FMNL1: variants seen among roughly 807,000 people sequenced by gnomAD.
FMNL1 encodes formin like 1.
FMNL1 carries 43 observed loss-of-function variants against 121.3 expected under a neutral mutation model. The ratio of observed to expected loss-of-function variants is 0.35; its 90% CI spans 0.28 to 0.46. FMNL1 has a LOEUF of 0.46. Ranked by LOEUF, FMNL1 falls within the 20% of genes least tolerant of loss-of-function variation. The pLI is 1.00. For synonymous variants in FMNL1, 613 were observed against 613.5 expected, an observed-to-expected ratio of 1.00 and a Z score of 0.01; for missense variants, 1,191 against 1,482.4, an observed-to-expected ratio of 0.80 and a Z score of 3.23.
chr17:45,240,393 A>T, intron 11 of FMNL1, 83 bp from the exon 12 acceptor site: 1 of 1,447,662 alleles, frequency 6.9e-7, no homozygotes, highest in Non-Finnish European at 9.2e-7. Context: ...TCTGGATGGC[A>T]GTGGTGGCAG....
chr17:45,227,052 G>C (rs1358862092), intron 1 of FMNL1, among the ~76,000 whole-genome samples: 1 of 152,204 alleles, frequency 6.6e-6, no homozygotes, highest in Non-Finnish European at 1.5e-5. Context: ...GAGGTGGGCA[G>C]GTGGCAGGGA....
chr17:45,225,487 G>C (rs2043311452), intron 1 of FMNL1, among the ~76,000 whole-genome samples: 1 of 152,220 alleles, frequency 6.6e-6, no homozygotes, highest in Non-Finnish European at 1.5e-5. Flanking sequence ...TGTTGGGCTG[G>C]GCAGAGGGGA....
Position 45,233,124 on chromosome 17 carries a change from G to T in FMNL1, c.328-100G>T. 8.3e-7 allele frequency: 1 copy of T among 1,207,362 alleles called. No homozygotes were observed. Among genetic ancestry groups the T allele is most frequent in the Non-Finnish European group, 1.2e-6 (1 of 836,432 alleles). The allele number at this position is 1,207,362 out of a possible 1,614,324, so 74.8% of individuals were successfully genotyped here. On this transcript the variant is annotated intron_variant, in intron 3 of 26. Transcript: ENST00000331495. This position sits in a 1 kb window ranked among gnomAD's most constrained non-coding sequence, Gnocchi z 4.1. ...TGAGCATGAAAGGCCACTTGTGCCA[G>T]TTGGAGGAGGGTGGGCGCTGCTGCC...
intron 7 of FMNL1, 59 bp downstream of exon 7, chr17:45,236,303 T>G: frequency 7.0e-7 from 1 of 1,426,598 alleles, no homozygotes; most frequent in East Asian, 2.3e-5. Flanking sequence ...CACTGGGGGC[T>G]ACACAAGCTG....
At chr17:45,244,678 C>G in intron 19 of FMNL1, 141 bp from the exon 20 acceptor site, 1 of 822,710 alleles carries the variant, frequency 1.2e-6, no homozygotes, top group Non-Finnish European at 1.9e-6. Flanking sequence ...TGCTGTGGAT[C>G]TGAGGGGCCT....
In FMNL1 at chr17:45,243,327, G is replaced by T. The variant is rs1431658533; in HGVS notation, c.2213+7G>T. 4 of 1,612,682 alleles carry T rather than the reference G, an allele frequency of 2.5e-6. No homozygotes were observed. The highest frequency in any genetic ancestry group is 3.4e-6 in the Non-Finnish European group (4 of 1,179,644). On this transcript the variant is annotated splice_region_variant and intron_variant, in intron 17 of 26. Transcript: ENST00000331495. ...TCTGCCAAGCCATTGAGGCGTGAGTGTCCCTGTCCTGGGTTTGTGGGCAGT... is the reference window on the plus strand; with the variant it reads ...TCTGCCAAGCCATTGAGGCGTGAGTTTCCCTGTCCTGGGTTTGTGGGCAGT...
Position 45,241,818 on chromosome 17 carries a change from T to TC in FMNL1, c.1586-24dup. The TC allele has an allele frequency of 2.1e-6, 3 of 1,401,808 alleles. No homozygotes were observed. 86.8% of individuals were successfully genotyped at this position (1,401,808 alleles called of 1,614,324 possible). The stretch of plus-strand genomic sequence containing the variant: ...CCAAGTCAAGGAGCTGACTCGCGCC[T>TC]CCCCCACGCCGCGCCCTCGCTGGCT... On this transcript the variant is annotated intron_variant, in intron 14 of 26. Transcript: ENST00000331495. This position sits in a 1 kb window ranked among gnomAD's most constrained non-coding sequence, Gnocchi z 7.0.
rs371416228 is a variant in FMNL1, at chr17:45,236,184, C to T, written c.663C>T (p.Val221=). ...SRKALRNSRI[V]SQKDDVHVCI... is the part of the protein sequence containing the mutation. ...AGGCCCTGCGGAATTCCCGCATCGT[C>T]AGCCAGAAGGACGACGTCCACGTCT... is the stretch of plus-strand genomic sequence containing the variant. The change falls in exon 7 of 27, where the codon GTC becomes GTT. Residue 221 remains valine, a synonymous_variant. Coordinates refer to ENST00000331495, the MANE Select transcript of FMNL1 (RefSeq NM_005892.4). 2 of 1,613,918 alleles carry T rather than the reference C, an allele frequency of 1.2e-6. No homozygotes were observed. The highest frequency in any genetic ancestry group is 1.7e-6 in the Non-Finnish European group (2 of 1,180,028).
chr17:45,226,756 G>A (rs553666970), intron 1 of FMNL1, among the ~76,000 whole-genome samples: 3 of 152,172 alleles, frequency 2.0e-5, no homozygotes, highest in Admixed American at 2.0e-4. Context: ...TACTGTTGTC[G>A]GTGTTGTTTT....
chr17:45,242,146 G>A lies in FMNL1; in HGVS notation c.1885G>A (p.Gly629Arg). ...LGRRDSELGP[G>R]VKAKKPIQTK... ...AAGACGCGACTCAGAATTGGGCCCA[G>A]GTGAGTGGAGTGGACCACCTTGGGC... is the stretch of plus-strand genomic sequence containing the variant. Residue 629 changes from glycine (G) to arginine (R), a missense_variant and splice_region_variant, in exon 15 of 27, where the codon GGA becomes AGA. Transcript: ENST00000331495. The A allele has an allele frequency of 6.5e-7, 1 of 1,539,642 alleles. No individual in the cohort carries two copies. The highest frequency in any genetic ancestry group is 8.8e-7 in the Non-Finnish European group (1 of 1,142,668).
chr17:45,246,553 G>A lies in FMNL1; in HGVS notation c.3260G>A (p.Arg1087Gln), dbSNP rs370763888. 6.2e-7 allele frequency: 1 copy of A among 1,613,254 alleles called. No homozygotes were observed. Among genetic ancestry groups the A allele is most frequent in the Admixed American group, 1.7e-5 (1 of 60,000 alleles). The change falls in exon 26 of 27, where the codon CGG (arginine) becomes CAG (glutamine). Residue 1087 changes from arginine (R) to glutamine (Q), a missense_variant. Physicochemically the swap from Arg to Gln is conservative, Grantham distance 43. Coordinates refer to ENST00000331495, the MANE Select transcript of FMNL1 (RefSeq NM_005892.4). ...GCCCGCACCGGCAAGCGGACATCCCGGCTCCTCTGTGAGGCCAGCCTGGGA... is the reference window on the plus strand; with the variant it reads ...GCCCGCACCGGCAAGCGGACATCCCAGCTCCTCTGTGAGGCCAGCCTGGGA... ...FTARTGKRTS[R>Q]LLCEASLGEE...
chr17:45,241,035 C>A lies in FMNL1; in HGVS notation c.1231-94C>A. 1 of 1,486,616 alleles carries A rather than the reference C, an allele frequency of 6.7e-7. No individual in the cohort carries two copies. 92.1% of individuals were successfully genotyped at this position (1,486,616 alleles called of 1,614,324 possible). On this transcript the variant is annotated intron_variant, in intron 12 of 26. Transcript: ENST00000331495. The surrounding 1 kb of genome is among the most constrained non-coding windows in gnomAD (Gnocchi z 7.0). ...GCTGAGCGGATCTGGGAGCCTCCCC[C>A]AGTCTTCCAGGCAGGCATGCCTGAT...
chr17:45,243,141 G>A lies in FMNL1; in HGVS notation c.2034G>A (p.Glu678=). ...VLQELDMSDF[E]EQFKTKSQGP... ...AGGAGCTAGACATGAGTGATTTTGA[G>A]GAACAGTTCAAGACCAAGTCCCAAG... The change falls in exon 17 of 27, where the codon GAG becomes GAA. Residue 678 remains glutamate (E), a synonymous_variant. Transcript: ENST00000331495. 2 of 1,614,184 alleles carry A rather than the reference G, an allele frequency of 1.2e-6. No individual in the cohort carries two copies. Among genetic ancestry groups the A allele is most frequent in the Non-Finnish European group, 1.7e-6 (2 of 1,180,028 alleles).
rs1203636562 is a variant in FMNL1 at position 45,234,046 on chromosome 17, C to T, written c.486-26C>T. 5 of 1,612,130 alleles carry T rather than the reference C, an allele frequency of 3.1e-6. No individual in the cohort carries two copies. In the African/African-American group the frequency reaches 5.3e-5, roughly 17 times the overall value. ...TAAGTGGCCCCTGCAGTGTTGGCCT[C>T]CAGCCCCATTGCATCCTGTCCCCAG... On this transcript the variant is annotated intron_variant, in intron 5 of 26. Coordinates refer to ENST00000331495, the MANE Select transcript of FMNL1 (RefSeq NM_005892.4).
At chr17:45,246,820 C>A in intron 26 of FMNL1, 47 bp from the exon 27 acceptor site, 1 of 700,182 alleles carries the variant, frequency 1.4e-6, no homozygotes, top group Non-Finnish European at 2.6e-6. Flanking sequence ...ATGCTCCCAG[C>A]TCTGGGCGGA....
chr17:45,241,526 CG>C lies in FMNL1; in HGVS notation c.1482del (p.Pro495ArgfsTer125). 2 of 1,577,152 alleles carry C rather than the reference CG, an allele frequency of 1.3e-6. No individual in the cohort carries two copies. Among genetic ancestry groups the C allele is most frequent in the Non-Finnish European group, 8.6e-7 (1 of 1,162,524 alleles). ...LEEKGLIRIL[R>X]GPGDAVSIEI... ...GGAGAAGGGGTTAATCCGTATTCTG[CG>C]GGGGCCGGGGGATGCTGTCTCCATC... On this transcript the variant is annotated frameshift_variant, in exon 14 of 27. Coordinates refer to ENST00000331495, the MANE Select transcript of FMNL1 (RefSeq NM_005892.4). LOFTEE classifies it high-confidence loss of function. The surrounding 1 kb of genome is among the most constrained non-coding windows in gnomAD (Gnocchi z 7.0).
chr17:45,239,992 C>T (rs1444040873), intron 11 of FMNL1, among the ~76,000 whole-genome samples: 4 of 152,128 alleles, frequency 2.6e-5, no homozygotes, highest in Non-Finnish European at 5.9e-5. Context: ...GGTTTCACCA[C>T]GTTGGCCAGG....
chr17:45,246,803 T>C, intron 26 of FMNL1, 64 bp from the exon 27 acceptor site: 1 of 698,332 alleles, frequency 1.4e-6, no homozygotes. Flanking sequence ...CTTTGTGCCC[T>C]GGAGCCATGC....
In FMNL1 at chr17:45,244,906, AGGGGCCCCTGGCTT is replaced by A. The variant is rs2043793847; in HGVS notation, c.2598+12_2598+25del. On this transcript the variant is annotated splice_region_variant and intron_variant, in intron 20 of 26. Coordinates refer to ENST00000331495, the MANE Select transcript of FMNL1 (RefSeq NM_005892.4). ...GCTCCAGAGCCTGGATGCGGTGAGGAGGGGCCCCTGGCTTGGGGACTGGGGCTGGGGACTGGCTG... is the reference window on the plus strand; with the variant it reads ...GCTCCAGAGCCTGGATGCGGTGAGGAGGGGACTGGGGCTGGGGACTGGCTG... 1 of 1,613,108 alleles carries A rather than the reference AGGGGCCCCTGGCTT, an allele frequency of 6.2e-7. No individual in the cohort carries two copies. Among genetic ancestry groups the A allele is most frequent in the Admixed American group, 1.7e-5 (1 of 59,940 alleles).
Sources: allele counts gnomAD v4.1 joint callset (sites outside exome capture counted in the v4.1 genomes callset), GRCh38; gene constraint gnomAD v4.1.1; non-coding constraint Gnocchi (gnomAD v3.1); transcripts MANE v1.5; gene names NCBI Gene and HGNC (gene_info 2026-07-23, HGNC 2026-07-21).